The following HDAC8 variants were observed in gnomAD, a reference collection of about 807,000 sequenced individuals.
The protein encoded by HDAC8 is histone deacetylase-like 1.
HDAC8 carries 1 observed loss-of-function variant against 32.2 expected under a neutral mutation model. The observed-to-expected ratio is 0.03, with a 90% confidence interval of 0.01 to 0.15. HDAC8 has a LOEUF of 0.15. Among genes scored for constraint, HDAC8 ranks in the 10% least tolerant of loss-of-function variants. The pLI, the probability that HDAC8 is intolerant of heterozygous loss-of-function variation, is 1.00. For synonymous variants in HDAC8, 108 were observed against 113.9 expected (o/e 0.95, Z 0.33); for missense variants, 117 against 300.0 (o/e 0.39, Z 4.51).
At chrX:72,543,440 T>A (rs1243291615) in intron 4 of HDAC8, among the ~76,000 whole-genome samples, 1 of 111,338 alleles carries the variant, frequency 9.0e-6, no homozygotes, top group Non-Finnish European at 1.9e-5. Context: ...ACCTTTTAGA[T>A]GAACAAGGCA....
At chrX:72,512,413 A>T (rs2049617653) in intron 4 of HDAC8, among the ~76,000 whole-genome samples, 2 of 111,681 alleles carry the variant, frequency 1.8e-5, no homozygotes, top group African/African-American at 6.5e-5. Flanking sequence ...ATCAAGCTAT[A>T]AGACTAATAC....
Position 72,329,545 on chromosome X carries a change from C to A in HDAC8, c.*509G>T. The A allele has an allele frequency of 1.5e-6, 1 of 687,644 alleles. No homozygotes were observed. Among genetic ancestry groups the A allele is most frequent in the Non-Finnish European group, 2.1e-6 (1 of 469,658 alleles). The allele number at this position is 687,644 out of a possible 1,213,427, so 56.7% of individuals were successfully genotyped here. A position where few individuals can be genotyped will look rare whatever the true frequency, so the allele number is the denominator to read the frequency against. On this transcript the variant is annotated 3_prime_UTR_variant, in exon 11 of 11. Transcript: ENST00000373573. ...TTTTCAAAGATTTTATTAAAAAAAC[C>A]AAAGATATATAACACTAAAACAACA... is the stretch of plus-strand genomic sequence containing the variant.
intron 4 of HDAC8, among the ~76,000 whole-genome samples, chrX:72,533,070 T>A (rs1277461630): frequency 8.9e-6 from 1 of 111,819 alleles, no homozygotes; most frequent in Non-Finnish European, 1.9e-5. Flanking sequence ...AACTTCACTC[T>A]TTTGAAGGTG....
At chrX:72,361,300 T>C (rs1165235017) in intron 9 of HDAC8, among the ~76,000 whole-genome samples, 1 of 111,790 alleles carries the variant, frequency 8.9e-6, no homozygotes, top group Non-Finnish European at 1.9e-5. Flanking sequence ...GATATTTTAA[T>C]GGTTTTACCT....
At chrX:72,521,253 T>C (rs2147368319) in intron 4 of HDAC8, among the ~76,000 whole-genome samples, 1 of 111,705 alleles carries the variant, frequency 9.0e-6, no homozygotes, top group South Asian at 3.8e-4. Flanking sequence ...TATTAGCTGC[T>C]GTTCTGCTCT....
intron 4 of HDAC8, among the ~76,000 whole-genome samples, chrX:72,525,179 T>C (rs782716541): frequency 8.9e-6 from 1 of 112,505 alleles, no homozygotes; most frequent in Non-Finnish European, 1.9e-5. Flanking sequence ...CATAGGTTGG[T>C]CTGTCTACCC....
At chrX:72,416,844 T>C (rs890632362) in intron 9 of HDAC8, among the ~76,000 whole-genome samples, 1 of 110,684 alleles carries the variant, frequency 9.0e-6, no homozygotes, top group Non-Finnish European at 1.9e-5. Context: ...TTGGCAATTA[T>C]CCTGTTATCT....
At chrX:72,478,799 G>A (rs1400589658) in intron 7 of HDAC8, among the ~76,000 whole-genome samples, 1 of 109,110 alleles carries the variant, frequency 9.2e-6, no homozygotes, top group Non-Finnish European at 1.9e-5. Flanking sequence ...TGGGACTACA[G>A]GCACGCACCA....
rs1555939513 is a variant in HDAC8, at chrX:72,329,692, A to G, written c.*362T>C. 2.5e-6 allele frequency: 3 copies of G among 1,189,580 alleles called. No homozygotes were observed. The African/African-American group carries it at 5.3e-5, about 21-fold the overall frequency. On this transcript the variant is annotated 3_prime_UTR_variant, in exon 11 of 11. Coordinates refer to ENST00000373573, the MANE Select transcript of HDAC8 (RefSeq NM_018486.3). The stretch of plus-strand genomic sequence containing the variant: ...CTGCCTCCTGCCCTACAAACTGGTG[A>G]CTGCTCTCATCCAGCTTCTGATCTG...
intron 7 of HDAC8, chrX:72,480,312 G>A: frequency 3.1e-6 from 1 of 323,418 alleles, no homozygotes. Context: ...AAGAGAGGTA[G>A]AATAAGTTTG....
rs1555993134 is a variant in HDAC8, at chrX:72,464,599, G to A, written c.870C>T (p.Tyr290=). The change falls in exon 8 of 11, where the codon TAC becomes TAT. Residue 290 remains tyrosine (Y), a synonymous_variant. Transcript: ENST00000373573. The part of the protein sequence containing the change: ...TPVGIGKCLK[Y]ILQWQLATLI... ...GTGTTGCCAACTGCCATTGAAGGAT[G>A]TACTTAAGACACTTGCCAATTCCCA... The A allele has an allele frequency of 1.7e-6, 2 of 1,207,201 alleles. No individual in the cohort carries two copies. The highest frequency in any genetic ancestry group is 4.4e-5 in the Admixed American group (2 of 45,737).
At chrX:72,488,881 T>C in intron 7 of HDAC8, 52 bp downstream of exon 7, 1 of 749,064 alleles carries the variant, frequency 1.3e-6, no homozygotes, top group Non-Finnish European at 2.0e-6. Flanking sequence ...GGGGGCCATT[T>C]CATCCTACAG....
chrX:72,455,217 T>C (rs781877062), intron 9 of HDAC8, among the ~76,000 whole-genome samples: 16 of 112,234 alleles, frequency 1.4e-4, no homozygotes, highest in Non-Finnish European at 2.6e-4. Context: ...GCAGATACTA[T>C]GGTACAAATT....
intron 9 of HDAC8, among the ~76,000 whole-genome samples, chrX:72,365,511 T>TAAGG (rs1555954027): frequency 9.0e-6 from 1 of 111,565 alleles, no homozygotes; most frequent in African/African-American, 3.3e-5. Flanking sequence ...GAGTAATGAA[T>TAAGG]AAGGCTTCAT....
chrX:72,566,147 GA>G (rs1556133324), intron 4 of HDAC8, among the ~76,000 whole-genome samples: 1 of 108,248 alleles, frequency 9.2e-6, no homozygotes, highest in Non-Finnish European at 1.9e-5. Flanking sequence ...ACTCTGTCTC[GA>G]AAAAAACAAA....
chrX:72,500,286 A>G (rs2148159991), intron 4 of HDAC8, among the ~76,000 whole-genome samples: 1 of 111,869 alleles, frequency 8.9e-6, no homozygotes, highest in East Asian at 2.8e-4. Context: ...CTATGAGAGC[A>G]GCATCATCCT....
intron 9 of HDAC8, among the ~76,000 whole-genome samples, chrX:72,394,630 C>T (rs1455837642): frequency 8.9e-6 from 1 of 112,122 alleles, no homozygotes; most frequent in Non-Finnish European, 1.9e-5. Flanking sequence ...ATTTCTCACG[C>T]TGGGGGCGGG....
At chrX:72,434,825 T>A (rs1277919974) in intron 9 of HDAC8, among the ~76,000 whole-genome samples, 1 of 112,376 alleles carries the variant, frequency 8.9e-6, no homozygotes, top group Non-Finnish European at 1.9e-5. Flanking sequence ...ACACATTTAA[T>A]ACTCACATTA....
At chrX:72,489,342 TG>T (rs2048782725) in intron 6 of HDAC8, 1 of 354,418 alleles carries the variant, frequency 2.8e-6, no homozygotes, top group Non-Finnish European at 5.2e-6. Context: ...AGGAGTTGCA[TG>T]GGGTGTCTAC....
Sources: allele counts gnomAD v4.1 joint callset (sites outside exome capture counted in the v4.1 genomes callset), GRCh38; gene constraint gnomAD v4.1.1; transcripts MANE v1.5; gene names NCBI Gene and HGNC (gene_info 2026-07-23, HGNC 2026-07-21).